Variants in PLA2G7 observed in about 807,000 individuals in gnomAD.
The protein encoded by PLA2G7 is platelet-activating factor acetylhydrolase.
A neutral mutation model predicts 49.6 loss-of-function variants in PLA2G7; 63 were observed. That is an observed-to-expected ratio of 1.27 (90% CI 1.04 to 1.57). The LOEUF (loss-of-function observed/expected upper bound fraction) is 1.57. Among genes scored for constraint, PLA2G7 ranks in the 40% most tolerant of loss-of-function variants. PLA2G7 has a pLI of 0.00. For missense variants in PLA2G7, 596 were observed against 521.2 expected, an observed-to-expected ratio of 1.14 and a Z score of -1.40; for synonymous variants, 193 against 169.9, an observed-to-expected ratio of 1.14 and a Z score of -1.06.
intron 9 of PLA2G7, among the ~76,000 whole-genome samples, chr6:46,708,398 A>C (rs866800908): frequency 1.3e-5 from 2 of 152,232 alleles, no homozygotes; most frequent in African/African-American, 2.4e-5. Flanking sequence ...AGGAATTGCA[A>C]CCATTTGAGT....
intron 1 of PLA2G7, among the ~76,000 whole-genome samples, chr6:46,729,009 G>A (rs1416097481): frequency 2.0e-5 from 3 of 152,122 alleles, no homozygotes; most frequent in African/African-American, 4.8e-5. Flanking sequence ...TGATAATGGG[G>A]TTCTTATGGG....
intron 8 of PLA2G7, among the ~76,000 whole-genome samples, chr6:46,709,667 T>G (rs970897738): frequency 6.6e-6 from 1 of 152,218 alleles, no homozygotes; most frequent in Non-Finnish European, 1.5e-5. Context: ...TAATGTTCTT[T>G]GTAGTCACCC....
chr6:46,711,147 G>A (rs545712644), intron 7 of PLA2G7, among the ~76,000 whole-genome samples: 1 of 152,120 alleles, frequency 6.6e-6, no homozygotes, highest in Non-Finnish European at 1.5e-5. Flanking sequence ...TAATTCTATT[G>A]TATACTGCCT....
At chr6:46,735,010 C>T (rs570337948) in intron 1 of PLA2G7, among the ~76,000 whole-genome samples, 170 bp downstream of exon 1, 6 of 152,298 alleles carry the variant, frequency 3.9e-5, no homozygotes, top group African/African-American at 1.4e-4. Flanking sequence ...CGCAAGGATC[C>T]TAGCGCTGTT....
In PLA2G7 at chr6:46,707,073, A is replaced by T. The variant is rs45554732; in HGVS notation, c.1040+918T>A. Reference sequence around the variant, plus strand: ...GTCCATCTTTGCTTTGTAATATCTCATCGAGAGTTCAAAACCTTATCAGGA... The same window carrying T: ...GTCCATCTTTGCTTTGTAATATCTCTTCGAGAGTTCAAAACCTTATCAGGA... On this transcript the variant is annotated intron_variant, in intron 10 of 11. Coordinates refer to ENST00000274793, the MANE Select transcript of PLA2G7 (RefSeq NM_005084.4). Among the ~76,000 whole-genome samples, 475 of 152,282 alleles carry T rather than the reference A, an allele frequency of 3.1e-3. 1 individual carries two copies. Among genetic ancestry groups the T allele is most frequent in the African/African-American group, 0.011 (452 of 41,558 alleles).
intron 5 of PLA2G7, 151 bp downstream of exon 5, chr6:46,714,309 T>C (rs1765125635): frequency 1.4e-6 from 1 of 727,558 alleles, no homozygotes; most frequent in East Asian, 2.6e-5. Context: ...GGTCTAGGAC[T>C]GATCAATAGA....
chr6:46,731,111 G>T lies in PLA2G7; in HGVS notation c.-35+4069C>A, dbSNP rs116278797. ...CAGGCATATCTCCTTCTAGTAACTT[G>T]CACATCAGAGTGAGTCAGGAAAGAG... On this transcript the variant is annotated intron_variant, in intron 1 of 11. Transcript: ENST00000274793. Among the ~76,000 whole-genome samples, 323 of 152,258 alleles carry T rather than the reference G, an allele frequency of 2.1e-3. 1 individual carries two copies. The highest frequency in any genetic ancestry group is 4.1e-3 in the Admixed American group (63 of 15,298).
chr6:46,732,582 T>G (rs1251576574), intron 1 of PLA2G7, among the ~76,000 whole-genome samples: 1 of 152,154 alleles, frequency 6.6e-6, no homozygotes, highest in African/African-American at 2.4e-5. Context: ...AGTGAATGAA[T>G]GAATGAATAC....
intron 2 of PLA2G7, among the ~76,000 whole-genome samples, chr6:46,719,996 G>A (rs995448712): frequency 6.6e-6 from 1 of 152,206 alleles, no homozygotes; most frequent in Non-Finnish European, 1.5e-5. Context: ...CATTAAAAGA[G>A]TATCTACTGA....
At chr6:46,716,181 C>G (rs989142337) in intron 4 of PLA2G7, among the ~76,000 whole-genome samples, 8 of 152,204 alleles carry the variant, frequency 5.3e-5, no homozygotes, top group African/African-American at 1.9e-4. Context: ...CTCGGCCACT[C>G]CCATCCAACT....
chr6:46,723,024 A>T, intron 1 of PLA2G7, 99 bp from the exon 2 acceptor site: 1 of 681,408 alleles, frequency 1.5e-6, no homozygotes, highest in Non-Finnish European at 2.7e-6. Flanking sequence ...TAACACTTGG[A>T]AAAAATAAAA....
chr6:46,710,891 A>G (rs554682144), intron 7 of PLA2G7, among the ~76,000 whole-genome samples: 1 of 152,206 alleles, frequency 6.6e-6, no homozygotes, highest in South Asian at 2.1e-4. Context: ...CAGACGATTT[A>G]CTTAACCTCT....
At chr6:46,728,090 A>C (rs1477603641) in intron 1 of PLA2G7, among the ~76,000 whole-genome samples, 1 of 152,240 alleles carries the variant, frequency 6.6e-6, no homozygotes, top group Non-Finnish European at 1.5e-5. Flanking sequence ...GTTTCAACTA[A>C]AGTCAAAGAA....
At chr6:46,730,116 G>A (rs575403031) in intron 1 of PLA2G7, among the ~76,000 whole-genome samples, 1 of 152,176 alleles carries the variant, frequency 6.6e-6, no homozygotes. Flanking sequence ...AACAAATAAA[G>A]GTTCAGGACA....
At position 46,705,178 on chromosome 6, in the gene PLA2G7, T is replaced by C; in HGVS notation, c.1164A>G (p.Ser388=). 4 of 1,609,640 alleles carry C rather than the reference T, an allele frequency of 2.5e-6. No homozygotes were observed. Among genetic ancestry groups the C allele is most frequent in the Non-Finnish European group, 3.4e-6 (4 of 1,176,146 alleles). The change falls in exon 11 of 12, where the codon TCA becomes TCG. Residue 388 remains serine (S), a synonymous_variant. Transcript: ENST00000274793. Reference sequence around the variant, plus strand: ...CTAAATGCTTTTGTAAGAATGCTAATGAAGCTTTGTTGCTAAGATCAATAG... The same window carrying C: ...CTAAATGCTTTTGTAAGAATGCTAACGAAGCTTTGTTGCTAAGATCAATAG... ...NVAIDLSNKA[S]LAFLQKHLGL...
chr6:46,704,462 TCTCTCTCTCTCTCTCTCA>T lies in PLA2G7; in HGVS notation c.*80_*97del, dbSNP rs1335614662. ...AAAATTCTCTCTCTCTCTCTCTCTC[TCTCTCTCTCTCTCTCTCA>T]CACACACACACACACACACACACAC... On this transcript the variant is annotated 3_prime_UTR_variant, in exon 12 of 12. Coordinates refer to ENST00000274793, the MANE Select transcript of PLA2G7 (RefSeq NM_005084.4). The T allele has an allele frequency of 1.3e-5, 8 of 617,418 alleles. No individual in the cohort carries two copies. The highest frequency in any genetic ancestry group is 6.9e-5 in the African/African-American group (2 of 28,884). 38.2% of individuals were successfully genotyped at this position (617,418 alleles called of 1,614,324 possible). A position where few individuals can be genotyped will look rare whatever the true frequency, so the allele number is the denominator to read the frequency against.
intron 11 of PLA2G7, 35 bp from the exon 12 acceptor site, chr6:46,704,731 C>T: frequency 1.5e-6 from 2 of 1,362,200 alleles, no homozygotes; most frequent in Non-Finnish European, 2.1e-6. Context: ...ACATATTAAA[C>T]TTTTGAGAGC....
intron 1 of PLA2G7, among the ~76,000 whole-genome samples, chr6:46,724,124 G>A (rs563921668): frequency 2.6e-5 from 4 of 152,030 alleles, no homozygotes; most frequent in African/African-American, 7.2e-5. Flanking sequence ...ACACTTTCCC[G>A]GTTCAATCTA....
chr6:46,730,224 T>C (rs1374890600), intron 1 of PLA2G7, among the ~76,000 whole-genome samples: 2 of 152,250 alleles, frequency 1.3e-5, no homozygotes, highest in African/African-American at 2.4e-5. Flanking sequence ...ACTTTTAATG[T>C]GGAAAACCTA....
Sources: allele counts gnomAD v4.1 joint callset (sites outside exome capture counted in the v4.1 genomes callset), GRCh38; gene constraint gnomAD v4.1.1; transcripts MANE v1.5; gene names NCBI Gene and HGNC (gene_info 2026-07-23, HGNC 2026-07-21).